The following DCBLD1 variants were observed in gnomAD, a reference collection of about 807,000 sequenced individuals.
The protein encoded by DCBLD1 is discoidin, CUB and LCCL domain-containing protein 1.
Under a neutral mutation model 71.5 loss-of-function variants are expected in DCBLD1, and 57 were observed. The ratio of observed to expected loss-of-function variants is 0.80; its 90% CI spans 0.64 to 0.99. The LOEUF (loss-of-function observed/expected upper bound fraction) is 0.99. DCBLD1 is among the 50% of genes least tolerant of loss of function. DCBLD1 has a pLI of 0.00. For missense variants in DCBLD1, 891 were observed against 923.5 expected, an observed-to-expected ratio of 0.96 and a Z score of 0.46; for synonymous variants, 380 against 363.8, an observed-to-expected ratio of 1.04 and a Z score of -0.51.
intron 1 of DCBLD1, among the ~76,000 whole-genome samples, chr6:117,492,793 A>G (rs1777339428): frequency 6.6e-6 from 1 of 152,178 alleles, no homozygotes; most frequent in Admixed American, 6.5e-5. Context: ...ATAAGACACC[A>G]TATGTCTCCC....
In DCBLD1 at chr6:117,567,013, C is replaced by A. The variant is rs367641070; in HGVS notation, c.1616-2607C>A. On this transcript the variant is annotated intron_variant, in intron 14 of 14. Transcript: ENST00000296955. ...TCCACTTCAGGAGCCACATAAACTA[C>A]TTCAAATTCAATCTCTCCTCTCTAA... 6.3e-7 allele frequency: 1 copy of A among 1,589,912 alleles called. No individual in the cohort carries two copies. Among genetic ancestry groups the A allele is most frequent in the Non-Finnish European group, 8.5e-7 (1 of 1,172,500 alleles).
At chr6:117,484,886 C>T (rs1777030956) in intron 1 of DCBLD1, 3 of 152,158 alleles carry the variant, frequency 2.0e-5, no homozygotes, top group African/African-American at 7.2e-5. Context: ...CAACTGCTTG[C>T]CTATCTGGTG....
intron 2 of DCBLD1, among the ~76,000 whole-genome samples, chr6:117,511,076 C>T (rs902170470): frequency 6.6e-6 from 1 of 152,002 alleles, no homozygotes; most frequent in Non-Finnish European, 1.5e-5. Context: ...AGGCCCTGCT[C>T]AAATGCCCAG....
At chr6:117,489,139 G>C (rs1186638899) in intron 1 of DCBLD1, among the ~76,000 whole-genome samples, 1 of 152,178 alleles carries the variant, frequency 6.6e-6, no homozygotes, top group Admixed American at 6.5e-5. Flanking sequence ...TCTGCAGGCT[G>C]TACAGGCATA....
rs1779063831 is a variant in DCBLD1, at chr6:117,540,717, T to C, written c.1151T>C (p.Ile384Thr). 6.2e-7 allele frequency: 1 copy of C among 1,614,140 alleles called. No homozygotes were observed. Among genetic ancestry groups the C allele is most frequent in the East Asian group, 2.2e-5 (1 of 44,880 alleles). Reference protein sequence around the residue: ...NFRDPVQNNFIPPIVARYVRV... With the variant: ...NFRDPVQNNFTPPIVARYVRV... ...CGGGACCCAGTGCAAAACAATTTCATCCCTCCCATCGTGGCCAGATATGTG... is the reference window on the plus strand; with the variant it reads ...CGGGACCCAGTGCAAAACAATTTCACCCCTCCCATCGTGGCCAGATATGTG... The change falls in exon 10 of 15, where the codon ATC becomes ACC. Residue 384 changes from isoleucine (I) to threonine (T), a missense_variant. By Grantham distance (89) the Ile-to-Thr change is moderately conservative (BLOSUM62 -1). Transcript: ENST00000338728.
chr6:117,491,419 C>A (rs538664786), intron 1 of DCBLD1, among the ~76,000 whole-genome samples: 4 of 152,208 alleles, frequency 2.6e-5, no homozygotes, highest in South Asian at 4.2e-4. Context: ...AGAAAAATGG[C>A]CCTGTACCTA....
In DCBLD1 at chr6:117,549,403, T is replaced by C; in HGVS notation, c.*964T>C. On this transcript the variant is annotated 3_prime_UTR_variant, in exon 15 of 15. Transcript: ENST00000338728. ...CTACTGACATGAAACTGTTGGAAAC[T>C]GATCTCATTTTATAAGAAATGATTT... 2 of 985,454 alleles carry C rather than the reference T, an allele frequency of 2.0e-6. No homozygotes were observed. Among genetic ancestry groups the C allele is most frequent in the Non-Finnish European group, 2.4e-6 (2 of 829,936 alleles). 61.0% of individuals were successfully genotyped at this position (985,454 alleles called of 1,614,324 possible). A position where few individuals can be genotyped will look rare whatever the true frequency, so the allele number is the denominator to read the frequency against.
chr6:117,500,167 AC>A (rs1777605824), intron 1 of DCBLD1, among the ~76,000 whole-genome samples: 1 of 152,226 alleles, frequency 6.6e-6, no homozygotes, highest in Non-Finnish European at 1.5e-5. Flanking sequence ...AATCACCCAA[AC>A]TGTGGAAGCA....
intron 7 of DCBLD1, among the ~76,000 whole-genome samples, chr6:117,538,362 G>A (rs1778970518): frequency 6.6e-6 from 1 of 152,126 alleles, no homozygotes; most frequent in African/African-American, 2.4e-5. Context: ...TCTACAGTGG[G>A]GACGAAGAGG....
chr6:117,543,842 T>C (rs535599999), intron 12 of DCBLD1, among the ~76,000 whole-genome samples: 1 of 152,252 alleles, frequency 6.6e-6, no homozygotes, highest in Admixed American at 6.5e-5. Context: ...GCCCCGTAAC[T>C]CAGCCTCCCC....
At chr6:117,563,401 A>T in intron 14 of DCBLD1, 1 of 1,611,922 alleles carries the variant, frequency 6.2e-7, no homozygotes, top group Non-Finnish European at 8.5e-7. Flanking sequence ...GAAAGGAGAA[A>T]AAAAAAGCAG....
downstream of DCBLD1, among the ~76,000 whole-genome samples, chr6:117,551,066 C>A (rs13194321): frequency 0.022 from 3,277 of 152,268 alleles, 44 homozygotes; most frequent in Middle Eastern, 0.075. Flanking sequence ...CTACAGATCC[C>A]CTGTCTCCCA....
intron 6 of DCBLD1, among the ~76,000 whole-genome samples, chr6:117,535,754 C>T (rs1778862362): frequency 6.6e-6 from 1 of 152,132 alleles, no homozygotes; most frequent in Admixed American, 6.5e-5. Flanking sequence ...TCAAATGTAA[C>T]AGCGTAGGAA....
chr6:117,521,383 T>C, intron 3 of DCBLD1, 142 bp from the exon 4 acceptor site: 1 of 664,142 alleles, frequency 1.5e-6, no homozygotes, highest in African/African-American at 1.9e-5. Flanking sequence ...TCTCAGTGTT[T>C]ATTTTTAAAA....
Position 117,559,235 on chromosome 6 carries a change from GATTT to G in DCBLD1, c.1616-10381_1616-10378del, listed in dbSNP as rs1779538506. 2.6e-5 allele frequency among the ~76,000 whole-genome samples: 4 copies of G among 152,176 alleles called. No individual in the cohort carries two copies. The South Asian group carries it at 8.3e-4, about 32-fold the overall frequency. On this transcript the variant is annotated intron_variant, in intron 14 of 14. Transcript: ENST00000296955. ...CCAAAAAGGGATCTGCTGTGCAACA[GATTT>G]ATTAACGGCAATGCCAGTGAGGAAA...
chr6:117,501,919 G>A (rs1264356231), intron 1 of DCBLD1, among the ~76,000 whole-genome samples: 1 of 152,132 alleles, frequency 6.6e-6, no homozygotes, highest in Non-Finnish European at 1.5e-5. Flanking sequence ...TGGCCTCTGT[G>A]TTGCAATCAT....
chr6:117,489,470 A>AT (rs1377931811), intron 1 of DCBLD1, among the ~76,000 whole-genome samples: 5 of 152,148 alleles, frequency 3.3e-5, no homozygotes, highest in Non-Finnish European at 5.9e-5. Flanking sequence ...GGCTAGGTAG[A>AT]TTTTTTTGTA....
intron 5 of DCBLD1, among the ~76,000 whole-genome samples, chr6:117,530,867 G>A (rs1778695197): frequency 1.3e-5 from 2 of 152,116 alleles, no homozygotes; most frequent in East Asian, 1.9e-4. Flanking sequence ...TAAAGAGTAC[G>A]ATCTTTACGA....
Position 117,549,291 on chromosome 6 carries a change from C to G in DCBLD1, c.*852C>G, listed in dbSNP as rs993813136. The G allele has an allele frequency of 1.4e-5, 14 of 985,260 alleles. No homozygotes were observed. The highest frequency in any genetic ancestry group is 6.1e-5 in the Admixed American group (1 of 16,270). 61.0% of individuals were successfully genotyped at this position (985,260 alleles called of 1,614,324 possible). A position where few individuals can be genotyped will look rare whatever the true frequency, so the allele number is the denominator to read the frequency against. ...ACTTTCTTCAGAAGTAGCACATTTT[C>G]GTGACTTCCGCTGTCCTCTGAAAAA... On this transcript the variant is annotated 3_prime_UTR_variant, in exon 15 of 15. Coordinates refer to ENST00000338728, the MANE Select transcript of DCBLD1 (RefSeq NM_001366458.2).
Sources: allele counts gnomAD v4.1 joint callset (sites outside exome capture counted in the v4.1 genomes callset), GRCh38; gene constraint gnomAD v4.1.1; transcripts MANE v1.5; gene names NCBI Gene and HGNC (gene_info 2026-07-23, HGNC 2026-07-21).